Variants in DOCK5 observed in about 807,000 individuals in gnomAD.
DOCK5 encodes the protein dedicator of cytokinesis 5, also known as dedicator of cytokinesis protein 5.
DOCK5 carries 142 observed loss-of-function variants against 251.8 expected under a neutral mutation model. That is an observed-to-expected ratio of 0.56 (90% CI 0.49 to 0.65). The LOEUF (loss-of-function observed/expected upper bound fraction) is 0.65, where lower values mean the gene tolerates loss of function less well. DOCK5 is among the 30% of genes least tolerant of loss of function. The probability of loss-of-function intolerance (pLI) is 0.00; values close to 1 mark genes in which losing one functional copy is unlikely to be tolerated. For missense variants in DOCK5, 2,111 were observed against 2,312.3 expected (o/e 0.91, Z 1.79); for synonymous variants, 842 against 835.5 (o/e 1.01, Z -0.13).
At chr8:25,197,750 A>ATTTTTT (rs71214555) in intron 1 of DOCK5, among the ~76,000 whole-genome samples, 49,118 of 94,686 alleles carry the variant, frequency 0.52, 14,803 homozygotes, top group Non-Finnish European at 0.67. Flanking sequence ...TGCCAAGCTA[A>ATTTTTT]TTTTTTTTTT....
At chr8:25,365,606 C>T (rs562734919) in intron 30 of DOCK5, among the ~76,000 whole-genome samples, 87 of 152,320 alleles carry the variant, frequency 5.7e-4, no homozygotes, top group Admixed American at 1.2e-3. Context: ...TACTTGGTTA[C>T]ACCCTATGTA....
chr8:25,239,296 C>T (rs555455947), intron 1 of DOCK5, among the ~76,000 whole-genome samples: 5 of 149,930 alleles, frequency 3.3e-5, no homozygotes, highest in East Asian at 2.0e-4. Flanking sequence ...TTAAGCAAAC[C>T]GGTCTTTGGT....
intron 1 of DOCK5, among the ~76,000 whole-genome samples, chr8:25,234,755 G>A (rs562160174): frequency 6.6e-5 from 10 of 152,134 alleles, no homozygotes; most frequent in Non-Finnish European, 1.0e-4. Context: ...AATACTCCCC[G>A]CACCTGGTGC....
At chr8:25,399,868 T>C in intron 45 of DOCK5, 43 bp from the exon 46 acceptor site, 1 of 1,476,688 alleles carries the variant, frequency 6.8e-7, no homozygotes, top group Non-Finnish European at 9.3e-7. Flanking sequence ...CCTGCACAGA[T>C]AGGAATGTGT....
At chr8:25,390,842 CTCCG>C in intron 42 of DOCK5, among the ~76,000 whole-genome samples, 1 of 151,438 alleles carries the variant, frequency 6.6e-6, no homozygotes, top group South Asian at 2.1e-4. Flanking sequence ...CGGAATCTTG[CTCCG>C]TCACCCAGGC....
Position 25,351,716 on chromosome 8 carries a change from C to T in DOCK5, c.2755-15C>T, listed in dbSNP as rs1284550307. The T allele has an allele frequency of 1.2e-6, 2 of 1,607,446 alleles. No individual in the cohort carries two copies. The highest frequency in any genetic ancestry group is 2.2e-5 in the South Asian group (2 of 90,124). On this transcript the variant is annotated splice_polypyrimidine_tract_variant and intron_variant, in intron 26 of 51. Transcript: ENST00000276440. Reference sequence around the variant, plus strand: ...GAGTCAGAAGGAATGGAGTCAAATCCTGTGTTCCCTGCAGGGTGCCACTGC... The same window carrying T: ...GAGTCAGAAGGAATGGAGTCAAATCTTGTGTTCCCTGCAGGGTGCCACTGC...
chr8:25,336,252 G>T lies in DOCK5; in HGVS notation c.2206G>T (p.Val736Leu). 6.2e-7 allele frequency: 1 copy of T among 1,613,350 alleles called. No individual in the cohort carries two copies. The highest frequency in any genetic ancestry group is 8.5e-7 in the Non-Finnish European group (1 of 1,179,446). ...ATLAYVKLSK[V>L]LNFYVANADD... ...CATTCTTCTAAGGAAACTCTCCAAG[G>T]TACTGAACTTCTATGTGGCTAATGC... Residue 736 changes from valine to leucine, a missense_variant, in exon 22 of 52, where the codon GTA becomes TTA. This residue lies in a region of DOCK5 where 1,717 missense variants were observed against 1,892.4 expected (regional missense o/e 0.91). Coordinates refer to ENST00000276440, the MANE Select transcript of DOCK5 (RefSeq NM_024940.8).
At chr8:25,213,828 A>G (rs919119154) in intron 1 of DOCK5, among the ~76,000 whole-genome samples, 1 of 152,172 alleles carries the variant, frequency 6.6e-6, no homozygotes, top group Non-Finnish European at 1.5e-5. Flanking sequence ...TTTAGATGCA[A>G]TAAGAGATGG....
At chr8:25,385,269 T>A (rs964058594) in intron 40 of DOCK5, among the ~76,000 whole-genome samples, 25 of 152,044 alleles carry the variant, frequency 1.6e-4, no homozygotes, top group Non-Finnish European at 7.4e-5. Context: ...TCCATGGTCA[T>A]CCATGGAGAA....
intron 13 of DOCK5, among the ~76,000 whole-genome samples, chr8:25,314,369 T>G (rs1253604944): frequency 6.6e-6 from 1 of 151,564 alleles, no homozygotes; most frequent in Non-Finnish European, 1.5e-5. Context: ...TCCTCTTGCC[T>G]CTGCCTCCCA....
chr8:25,311,728 C>T (rs1485442146), intron 13 of DOCK5, among the ~76,000 whole-genome samples: 1 of 151,426 alleles, frequency 6.6e-6, no homozygotes, highest in East Asian at 1.9e-4. Context: ...TCGAGTCCAG[C>T]CTGACCAACG....
chr8:25,346,069 C>G (rs1460145250), intron 26 of DOCK5, among the ~76,000 whole-genome samples: 1 of 152,262 alleles, frequency 6.6e-6, no homozygotes, highest in African/African-American at 2.4e-5. Flanking sequence ...CCAGGATAGT[C>G]TCGATCTCCT....
intron 1 of DOCK5, among the ~76,000 whole-genome samples, chr8:25,224,513 C>T (rs914550206): frequency 6.6e-6 from 1 of 152,178 alleles, no homozygotes; most frequent in African/African-American, 2.4e-5. Context: ...AGAAAAAGTG[C>T]AAGGAAGTGT....
intron 5 of DOCK5, among the ~76,000 whole-genome samples, chr8:25,287,472 T>G (rs1406971219): frequency 2.0e-5 from 3 of 152,080 alleles, no homozygotes; most frequent in African/African-American, 7.2e-5. Context: ...AAAGTGAGGC[T>G]TCAGGTATCT....
In DOCK5 at chr8:25,316,879, T is replaced by C. The variant is rs75889094; in HGVS notation, c.1319-128T>C. 1.1e-3 allele frequency: 1,265 copies of C among 1,159,632 alleles called. 13 individuals carry two copies. In the African/African-American group the frequency reaches 0.018, roughly 16 times the overall value. 71.8% of individuals were successfully genotyped at this position (1,159,632 alleles called of 1,614,324 possible). On this transcript the variant is annotated intron_variant, in intron 13 of 51. Coordinates refer to ENST00000276440, the MANE Select transcript of DOCK5 (RefSeq NM_024940.8). ...ACAGCAAACGCATATGAAAGCCTTT[T>C]GTCGGATGAGTAGTTCAGTATAAAA...
chr8:25,274,257 C>T (rs1333239541), intron 3 of DOCK5, among the ~76,000 whole-genome samples: 3 of 151,862 alleles, frequency 2.0e-5, no homozygotes, highest in East Asian at 1.9e-4. Flanking sequence ...TCCCCTCCCA[C>T]CTTTATGATC....
At chr8:25,341,955 C>G in intron 24 of DOCK5, 146 bp downstream of exon 24, 2 of 691,710 alleles carry the variant, frequency 2.9e-6, no homozygotes, top group Non-Finnish European at 4.8e-6. Flanking sequence ...GTGGAAGATG[C>G]AAAAGAACAT....
chr8:25,241,024 CTCTT>C (rs1802926804), intron 1 of DOCK5, among the ~76,000 whole-genome samples: 1 of 152,236 alleles, frequency 6.6e-6, no homozygotes, highest in South Asian at 2.1e-4. Flanking sequence ...TCAGCTCTCT[CTCTT>C]TCTCTCTTAT....
intron 25 of DOCK5, among the ~76,000 whole-genome samples, chr8:25,343,131 TGGGATTACA>T (rs1442848309): frequency 1.3e-5 from 2 of 151,968 alleles, no homozygotes; most frequent in Non-Finnish European, 2.9e-5. Flanking sequence ...CCTGAGTAGC[TGGGATTACA>T]GGTGTACATC....
Sources: gnomAD v4.1 joint callset for allele counts (sites outside exome capture counted in the v4.1 genomes callset) on GRCh38, gnomAD v4.1.1 for gene constraint, gnomAD v4.1.1 regional missense constraint, MANE v1.5 for transcripts, NCBI Gene and HGNC (gene_info 2026-07-23, HGNC 2026-07-21) for gene names.